CDK6: variants seen among roughly 807,000 people sequenced by gnomAD.
CDK6 encodes cyclin dependent kinase 6, also known as cyclin-dependent kinase 6.
In CDK6, 6 loss-of-function variants were observed where a neutral mutation model predicts 37.1. That is an observed-to-expected ratio of 0.16 (90% CI 0.09 to 0.32). CDK6 has a LOEUF of 0.32. CDK6 is among the 10% of genes least tolerant of loss of function. The pLI is 1.00. For missense variants in CDK6, 224 were observed against 418.9 expected, an observed-to-expected ratio of 0.53 and a Z score of 4.06; for synonymous variants, 160 against 161.3, an observed-to-expected ratio of 0.99 and a Z score of 0.06.
At chr7:92,774,264 G>T (rs1439598527) in intron 3 of CDK6, among the ~76,000 whole-genome samples, 1 of 152,116 alleles carries the variant, frequency 6.6e-6, no homozygotes, top group African/African-American at 2.4e-5. Flanking sequence ...CATAGCATAG[G>T]TTGTCCCGGA....
chr7:92,652,799 A>T (rs532831426), intron 5 of CDK6, among the ~76,000 whole-genome samples: 1 of 152,176 alleles, frequency 6.6e-6, no homozygotes, highest in Non-Finnish European at 1.5e-5. Flanking sequence ...ACCCTTTCAT[A>T]CCAGTCCTTT....
At chr7:92,836,359 C>A (rs965446821) in intron 1 of CDK6, 119 bp downstream of exon 1, 1 of 150,052 alleles carries the variant, frequency 6.7e-6, no homozygotes, top group African/African-American at 2.5e-5. Context: ...TCCCCCCCAC[C>A]CCCCGCCACC....
At chr7:92,724,676 T>C (rs1193660633) in intron 4 of CDK6, among the ~76,000 whole-genome samples, 7 of 152,224 alleles carry the variant, frequency 4.6e-5, no homozygotes, top group Admixed American at 4.6e-4. Context: ...AGGGCCATGC[T>C]GTCCCTGATG....
chr7:92,691,629 A>ACCAT (rs1394346226), intron 4 of CDK6, among the ~76,000 whole-genome samples: 1 of 152,236 alleles, frequency 6.6e-6, no homozygotes, highest in African/African-American at 2.4e-5. Flanking sequence ...CTAAGGCAAT[A>ACCAT]CCATCATATG....
chr7:92,659,821 G>T (rs374472519), intron 5 of CDK6, among the ~76,000 whole-genome samples: 8 of 152,112 alleles, frequency 5.3e-5, no homozygotes, highest in Non-Finnish European at 1.0e-4. Flanking sequence ...CTTTCTCAAA[G>T]AATATCAGAG....
chr7:92,679,698 G>T (rs1161344409), intron 4 of CDK6, among the ~76,000 whole-genome samples: 2 of 152,014 alleles, frequency 1.3e-5, no homozygotes, highest in African/African-American at 2.4e-5. Context: ...TAATTTCACT[G>T]ACTTTTCACA....
At chr7:92,738,551 C>T (rs866767660) in intron 3 of CDK6, among the ~76,000 whole-genome samples, 3 of 151,682 alleles carry the variant, frequency 2.0e-5, no homozygotes, top group Middle Eastern at 3.4e-3. Flanking sequence ...AGGCAGGAGA[C>T]TCGCTTGAAC....
chr7:92,618,312 CAGAGTCCCA>C, intron 6 of CDK6, 105 bp from the exon 7 acceptor site: 1 of 1,129,442 alleles, frequency 8.9e-7, no homozygotes, highest in Non-Finnish European at 1.3e-6. Context: ...ACATGGGGGG[CAGAGTCCCA>C]GGAGACCTTC....
rs1798409526 is a variant in CDK6 at position 92,723,227 on chromosome 7, G to A, written c.537+2399C>T. On this transcript the variant is annotated intron_variant, in intron 4 of 7. Coordinates refer to ENST00000424848, the MANE Select transcript of CDK6 (RefSeq NM_001145306.2). ...AAAATATTACTCTGGAAACAGAGAGGAAAAAGAAATTAATTTCTGAAGGGG... is the reference window on the plus strand; with the variant it reads ...AAAATATTACTCTGGAAACAGAGAGAAAAAAGAAATTAATTTCTGAAGGGG... Among the ~76,000 whole-genome samples, 5 of 152,102 alleles carry A rather than the reference G, an allele frequency of 3.3e-5. No individual in the cohort carries two copies. In the South Asian group the frequency reaches 8.3e-4, roughly 25 times the overall value.
intron 3 of CDK6, among the ~76,000 whole-genome samples, chr7:92,751,809 A>C (rs1385680583): frequency 2.0e-5 from 3 of 152,166 alleles, no homozygotes; most frequent in African/African-American, 7.2e-5. Flanking sequence ...TTTAATAATA[A>C]TACAATTAAA....
At chr7:92,637,107 A>C (rs1457990632) in intron 5 of CDK6, among the ~76,000 whole-genome samples, 1 of 152,224 alleles carries the variant, frequency 6.6e-6, no homozygotes, top group Non-Finnish European at 1.5e-5. Context: ...ATGTAGACAT[A>C]AAACAAAAGC....
chr7:92,682,790 G>A (rs1008206467), intron 4 of CDK6, among the ~76,000 whole-genome samples: 13 of 152,178 alleles, frequency 8.5e-5, no homozygotes, highest in South Asian at 2.1e-4. Flanking sequence ...CAGGCATTCT[G>A]AGAGTCCACC....
At chr7:92,805,758 T>C (rs1176876212) in intron 2 of CDK6, among the ~76,000 whole-genome samples, 2 of 152,238 alleles carry the variant, frequency 1.3e-5, no homozygotes, top group African/African-American at 2.4e-5. Flanking sequence ...ATGATTCTCA[T>C]GAACCTTGTT....
chr7:92,816,557 A>G (rs1801034581), intron 2 of CDK6, among the ~76,000 whole-genome samples: 1 of 152,112 alleles, frequency 6.6e-6, no homozygotes, highest in Admixed American at 6.5e-5. Flanking sequence ...AGAATATATA[A>G]CTAAAAATGG....
At chr7:92,625,535 A>AC (rs1471649726) in intron 5 of CDK6, among the ~76,000 whole-genome samples, 74 of 146,150 alleles carry the variant, frequency 5.1e-4, no homozygotes, top group Admixed American at 1.1e-3. Flanking sequence ...AGTTTTGCAA[A>AC]AAAAAACAAA....
At chr7:92,660,395 G>C (rs1405819974) in intron 5 of CDK6, among the ~76,000 whole-genome samples, 1 of 152,122 alleles carries the variant, frequency 6.6e-6, no homozygotes, top group Non-Finnish European at 1.5e-5. Flanking sequence ...GGGTTCTAAG[G>C]AGAAAAACTT....
chr7:92,634,034 A>G (rs1365780648), intron 5 of CDK6, among the ~76,000 whole-genome samples: 1 of 152,158 alleles, frequency 6.6e-6, no homozygotes, highest in Non-Finnish European at 1.5e-5. Context: ...CTGATGAACA[A>G]AAGTTTTCAA....
chr7:92,705,197 T>G (rs1471912354), intron 4 of CDK6, among the ~76,000 whole-genome samples: 2 of 152,202 alleles, frequency 1.3e-5, no homozygotes, highest in African/African-American at 4.8e-5. Context: ...AGAAAATTCT[T>G]GGTAGTGGTA....
chr7:92,716,401 C>T (rs1798230467), intron 4 of CDK6, among the ~76,000 whole-genome samples: 1 of 152,220 alleles, frequency 6.6e-6, no homozygotes, highest in African/African-American at 2.4e-5. Flanking sequence ...ACAGTTCATT[C>T]TCTAGGCACT....
Sources: allele counts gnomAD v4.1 joint callset (sites outside exome capture counted in the v4.1 genomes callset), GRCh38; gene constraint gnomAD v4.1.1; transcripts MANE v1.5; gene names NCBI Gene and HGNC (gene_info 2026-07-23, HGNC 2026-07-21).